SPTA1: variants seen among roughly 807,000 people sequenced by gnomAD.
SPTA1 encodes the protein spectrin alpha, erythrocytic 1.
SPTA1 carries 177 observed loss-of-function variants against 324.7 expected under a neutral mutation model. The observed-to-expected ratio is 0.55, with a 90% CI of 0.48 to 0.62. The LOEUF is 0.62. Ranked by LOEUF, SPTA1 falls within the 20% of genes least tolerant of loss-of-function variation. SPTA1 has a pLI of 0.00. For synonymous variants in SPTA1, 1,195 were observed against 1,041.3 expected (o/e 1.15, Z -2.84); for missense variants, 3,162 against 2,883.6 (o/e 1.10, Z -2.21).
At position 158,671,397 on chromosome 1, in the gene SPTA1, A is replaced by G; in HGVS notation, c.1545T>C (p.Leu515=). 1.2e-6 allele frequency: 2 copies of G among 1,613,434 alleles called. No individual in the cohort carries two copies. Among genetic ancestry groups the G allele is most frequent in the Non-Finnish European group, 1.7e-6 (2 of 1,179,906 alleles). Residue 515 remains leucine (L), a synonymous_variant, in exon 12 of 52, where the codon CTT becomes CTC. Transcript: ENST00000643759. ...GNSLGSAEAL[L]QKHEDFEEAF... is the part of the protein sequence containing the mutation. ...CTTCCTCAAAGTCTTCATGCTTCTG[A>G]AGAAGGGCTTCTGCACTGCCCAGTG...
At chr1:158,615,976 T>A (rs1052829640) in intron 47 of SPTA1, among the ~76,000 whole-genome samples, 1 of 152,210 alleles carries the variant, frequency 6.6e-6, no homozygotes, top group Non-Finnish European at 1.5e-5. Flanking sequence ...TTGCCCATGC[T>A]TTCTCAGTGA....
intron 17 of SPTA1, among the ~76,000 whole-genome samples, chr1:158,662,341 C>A (rs906172430): frequency 7.9e-5 from 12 of 152,088 alleles, no homozygotes; most frequent in Admixed American, 6.6e-5. Flanking sequence ...GAAGAAAAAT[C>A]TCATATGATT....
rs575238565 is a variant in SPTA1 at position 158,662,930 on chromosome 1, G to A, written c.2236C>T (p.Leu746Phe). 5.0e-6 allele frequency: 8 copies of A among 1,614,004 alleles called. No individual in the cohort carries two copies. The East Asian group carries it at 8.9e-5, about 18-fold the overall frequency. ...TCAAAATATGCAGCCAGGTCTGTAAGGATATCCACCTGATCCTAAGGGAGA... is the reference window on the plus strand; with the variant it reads ...TCAAAATATGCAGCCAGGTCTGTAAAGATATCCACCTGATCCTAAGGGAGA... ...VAARQDQVDI[L>F]TDLAAYFEEI... Residue 746 changes from leucine (L) to phenylalanine (F), a missense_variant, in exon 17 of 52, where the codon CTT becomes TTT. Coordinates refer to ENST00000643759, the MANE Select transcript of SPTA1 (RefSeq NM_003126.4).
At position 158,661,417 on chromosome 1, in the gene SPTA1, G is replaced by C. The variant is rs1366104541; in HGVS notation, c.2465-8C>G. 1 of 1,613,678 alleles carries C rather than the reference G, an allele frequency of 6.2e-7. No individual in the cohort carries two copies. Among genetic ancestry groups the C allele is most frequent in the Non-Finnish European group, 8.5e-7 (1 of 1,179,830 alleles). ...AAGCAATCAGGTCCTTTCCTGCAGA[G>C]GAAAGGAATTTCAAAGTTTCGGATT... On this transcript the variant is annotated splice_region_variant and splice_polypyrimidine_tract_variant and intron_variant, in intron 17 of 51. Transcript: ENST00000643759.
rs1337929992 is a variant in SPTA1 at position 158,639,518 on chromosome 1, G to A, written c.4980+64C>T. ...TGTTTTCAAATGGTCTCCTAACATG[G>A]GAGGGAGAAGAGCCAGAAATATTTC... On this transcript the variant is annotated intron_variant, in intron 35 of 51. Coordinates refer to ENST00000643759, the MANE Select transcript of SPTA1 (RefSeq NM_003126.4). 5.2e-6 allele frequency: 8 copies of A among 1,528,964 alleles called. No individual in the cohort carries two copies. In the East Asian group the frequency reaches 1.6e-4, roughly 30 times the overall value. 94.7% of individuals were successfully genotyped at this position (1,528,964 alleles called of 1,614,324 possible).
At chr1:158,628,305 A>G (rs1275343598) in intron 39 of SPTA1, among the ~76,000 whole-genome samples, 2 of 152,058 alleles carry the variant, frequency 1.3e-5, no homozygotes, top group African/African-American at 2.4e-5. Flanking sequence ...AAAAGCCCAT[A>G]ATCACCACCA....
intron 3 of SPTA1, among the ~76,000 whole-genome samples, chr1:158,682,923 G>A (rs1042442427): frequency 1.1e-4 from 17 of 152,044 alleles, no homozygotes; most frequent in African/African-American, 3.4e-4. Context: ...GTAGTCATAG[G>A]GTATGGTGTA....
Position 158,651,353 on chromosome 1 carries a change from G to A in SPTA1, c.3477+14C>T. 1 of 1,581,566 alleles carries A rather than the reference G, an allele frequency of 6.3e-7. No individual in the cohort carries two copies. The highest frequency in any genetic ancestry group is 8.7e-7 in the Non-Finnish European group (1 of 1,150,468). ...AACCTGGTAGTGAGGAGGAATGGAGGGAGCCTTAGTTACCTGCCGGATTTG... is the reference window on the plus strand; with the variant it reads ...AACCTGGTAGTGAGGAGGAATGGAGAGAGCCTTAGTTACCTGCCGGATTTG... On this transcript the variant is annotated intron_variant, in intron 24 of 51. Coordinates refer to ENST00000643759, the MANE Select transcript of SPTA1 (RefSeq NM_003126.4).
intron 11 of SPTA1, 149 bp downstream of exon 11, chr1:158,671,910 A>T: frequency 1.1e-6 from 1 of 951,532 alleles, no homozygotes; most frequent in Non-Finnish European, 1.6e-6. Context: ...GAAAGGGCCC[A>T]TCTTTTCTTT....
chr1:158,640,871 A>C (rs1278885937), intron 33 of SPTA1, among the ~76,000 whole-genome samples: 1 of 152,216 alleles, frequency 6.6e-6, no homozygotes, highest in Non-Finnish European at 1.5e-5. Flanking sequence ...AGGCAAAAGA[A>C]CAAAGCTGGA....
intron 39 of SPTA1, among the ~76,000 whole-genome samples, chr1:158,631,977 A>G (rs1034576971): frequency 6.6e-6 from 1 of 152,244 alleles, no homozygotes; most frequent in Non-Finnish European, 1.5e-5. Context: ...AATGATTTCA[A>G]TAAGATATTA....
chr1:158,636,767 A>G lies in SPTA1; in HGVS notation c.5190-6T>C. 6.2e-7 allele frequency: 1 copy of G among 1,613,956 alleles called. No individual in the cohort carries two copies. The highest frequency in any genetic ancestry group is 8.5e-7 in the Non-Finnish European group (1 of 1,179,936). On this transcript the variant is annotated splice_region_variant and splice_polypyrimidine_tract_variant and intron_variant, in intron 36 of 51. Coordinates refer to ENST00000643759, the MANE Select transcript of SPTA1 (RefSeq NM_003126.4). ...TCACTCGTATCAACTTCTCCCTAAA[A>G]TCAAGGAAGAAAACAGAAAGTTTGG...
chr1:158,618,867 A>T (rs1649734402), intron 45 of SPTA1, among the ~76,000 whole-genome samples: 1 of 152,192 alleles, frequency 6.6e-6, no homozygotes, highest in Non-Finnish European at 1.5e-5. Context: ...TCCGACAGTT[A>T]AGTGAGGTAA....
chr1:158,669,597 C>T lies in SPTA1; in HGVS notation c.1678-34G>A, dbSNP rs1653862796. On this transcript the variant is annotated intron_variant, in intron 13 of 51. Coordinates refer to ENST00000643759, the MANE Select transcript of SPTA1 (RefSeq NM_003126.4). ...ACCATGAGTAAACTTACTGTCAGCA[C>T]AACCAAATATGGACATGTGAGATTC... 3 of 1,614,000 alleles carry T rather than the reference C, an allele frequency of 1.9e-6. No individual in the cohort carries two copies. The African/African-American group carries it at 4.0e-5, about 22-fold the overall frequency.
At chr1:158,668,198 A>C (rs1653752238) in intron 14 of SPTA1, 136 bp from the exon 15 acceptor site, 1 of 993,072 alleles carries the variant, frequency 1.0e-6, no homozygotes, top group Admixed American at 2.3e-5. Context: ...GAAGTTTCCT[A>C]GTCCAACGTT....
At position 158,626,156 on chromosome 1, in the gene SPTA1, A is replaced by G; in HGVS notation, c.5900T>C (p.Leu1967Pro). Reference sequence around the variant, plus strand: ...ATCTATCAATCTCACCTGTTTTGCCAGAAGAGTGAGGAAGTCACCAAGGTC... The same window carrying G: ...ATCTATCAATCTCACCTGTTTTGCCGGAAGAGTGAGGAAGTCACCAAGGTC... ...GADLGDFLTL[L>P]AKQDTLDASL... The change falls in exon 42 of 52, where the codon CTG becomes CCG. Residue 1967 changes from leucine (L) to proline (P), a missense_variant. By Grantham distance (98) the Leu-to-Pro change is moderately conservative. Transcript: ENST00000643759. 1 of 1,613,768 alleles carries G rather than the reference A, an allele frequency of 6.2e-7. No homozygotes were observed. Among genetic ancestry groups the G allele is most frequent in the South Asian group, 1.1e-5 (1 of 91,076 alleles).
rs1399646813 is a variant in SPTA1 at position 158,661,412 on chromosome 1, G to T, written c.2465-3C>A. On this transcript the variant is annotated splice_region_variant and splice_polypyrimidine_tract_variant and intron_variant, in intron 17 of 51. Transcript: ENST00000643759. ...TTTGGAAGCAATCAGGTCCTTTCCT[G>T]CAGAGGAAAGGAATTTCAAAGTTTC... The T allele has an allele frequency of 6.2e-7, 1 of 1,613,766 alleles. No homozygotes were observed. The highest frequency in any genetic ancestry group is 8.5e-7 in the Non-Finnish European group (1 of 1,179,838).
chr1:158,686,672 A>G lies in SPTA1; in HGVS notation c.-155T>C. ...AAAAAAACCTCTTGCTTGGTCCTAG[A>G]ATCCCATCAGCCATACACAATCGAC... On this transcript the variant is annotated 5_prime_UTR_variant, in exon 1 of 52. Transcript: ENST00000643759. 1.6e-6 allele frequency: 1 copy of G among 643,788 alleles called. No homozygotes were observed. The highest frequency in any genetic ancestry group is 3.7e-4 in the Middle Eastern group (1 of 2,738). The allele number at this position is 643,788 out of a possible 1,614,324, so 39.9% of individuals were successfully genotyped here. A position where few individuals can be genotyped will look rare whatever the true frequency, so the allele number is the denominator to read the frequency against.
At position 158,678,150 on chromosome 1, in the gene SPTA1, C is replaced by T. The variant is rs74760514; in HGVS notation, c.812+251G>A. ...TAACCTGCTTCCCTTCCGTCTGCAGCGCTTCCATTCCTAAATTACCAATGC... is the reference window on the plus strand; with the variant it reads ...TAACCTGCTTCCCTTCCGTCTGCAGTGCTTCCATTCCTAAATTACCAATGC... On this transcript the variant is annotated intron_variant, in intron 6 of 51. Transcript: ENST00000643759. Among the ~76,000 whole-genome samples the T allele has an allele frequency of 4.3e-3, 652 of 152,152 alleles. 7 individuals are homozygous for T. The highest frequency in any genetic ancestry group is 0.015 in the African/African-American group (620 of 41,534).
Sources: allele counts gnomAD v4.1 joint callset (sites outside exome capture counted in the v4.1 genomes callset), GRCh38; gene constraint gnomAD v4.1.1; transcripts MANE v1.5; gene names NCBI Gene and HGNC (gene_info 2026-07-23, HGNC 2026-07-21).